Variants in STT3B observed in about 807,000 individuals in gnomAD.
STT3B encodes STT3 oligosaccharyltransferase complex catalytic subunit B.
STT3B carries 29 observed loss-of-function variants against 96.8 expected under a neutral mutation model. The observed-to-expected ratio is 0.30, with a 90% CI of 0.22 to 0.41. The LOEUF (loss-of-function observed/expected upper bound fraction) is 0.41, where lower values mean the gene tolerates loss of function less well. STT3B is among the 10% of genes least tolerant of loss of function. The probability of loss-of-function intolerance (pLI) is 1.00; values close to 1 mark genes in which losing one functional copy is unlikely to be tolerated. For missense variants in STT3B, 640 were observed against 1,022.3 expected (o/e 0.63, Z 5.10); for synonymous variants, 367 against 360.0 (o/e 1.02, Z -0.22).
chr3:31,622,020 T>C (rs1699440096), intron 9 of STT3B, 77 bp from the exon 10 acceptor site: 3 of 1,044,122 alleles, frequency 2.9e-6, no homozygotes, highest in Admixed American at 2.3e-5. Flanking sequence ...AGGTTGGTTT[T>C]ATAGTTTTAA....
intron 5 of STT3B, among the ~76,000 whole-genome samples, chr3:31,607,776 T>G (rs1172373159): frequency 1.3e-5 from 2 of 152,066 alleles, no homozygotes; most frequent in African/African-American, 2.4e-5. Context: ...TTGTTGTTTG[T>G]AGAAATGGTA....
intron 3 of STT3B, among the ~76,000 whole-genome samples, chr3:31,585,578 G>A (rs1043963232): frequency 6.6e-6 from 1 of 151,566 alleles, no homozygotes; most frequent in Non-Finnish European, 1.5e-5. Context: ...TTTGTTTTTT[G>A]TTTTGTTTTG....
intron 1 of STT3B, among the ~76,000 whole-genome samples, chr3:31,571,424 A>G (rs1698132863): frequency 6.6e-6 from 1 of 152,110 alleles, no homozygotes; most frequent in Non-Finnish European, 1.5e-5. Flanking sequence ...AAAATGAATT[A>G]TAGTGCCTAC....
chr3:31,576,874 A>G (rs994789242), intron 2 of STT3B, among the ~76,000 whole-genome samples: 4 of 152,194 alleles, frequency 2.6e-5, no homozygotes, highest in Non-Finnish European at 2.9e-5. Context: ...ATAATTATAT[A>G]TCTAGAATAA....
intron 5 of STT3B, among the ~76,000 whole-genome samples, chr3:31,603,378 A>G (rs1342615445): frequency 1.3e-5 from 2 of 151,952 alleles, no homozygotes; most frequent in Non-Finnish European, 1.5e-5. Flanking sequence ...GAATTGAGCA[A>G]GGGAGGTGTA....
At chr3:31,629,447 AAAT>A (rs1282128983) in intron 14 of STT3B, 36 bp downstream of exon 14, 4 of 1,196,200 alleles carry the variant, frequency 3.3e-6, no homozygotes, top group Non-Finnish European at 2.4e-6. Flanking sequence ...TTTTCATTCA[AAAT>A]AATGTTTAAA....
At position 31,615,383 on chromosome 3, in the gene STT3B, C is replaced by T. The variant is rs558317521; in HGVS notation, c.976+180C>T. Among the ~76,000 whole-genome samples the T allele has an allele frequency of 2.6e-5, 4 of 151,960 alleles. No homozygotes were observed. In the South Asian group the frequency reaches 8.3e-4, roughly 32 times the overall value. ...TATCAGAGATTCTCATTGCAAGGTT[C>T]ATGACCCATTGGAAGTCTGTGGGTA... On this transcript the variant is annotated intron_variant, in intron 6 of 15. Transcript: ENST00000295770.
At chr3:31,574,172 T>C (rs1553604175) in intron 1 of STT3B, among the ~76,000 whole-genome samples, 1 of 152,134 alleles carries the variant, frequency 6.6e-6, no homozygotes, top group Non-Finnish European at 1.5e-5. Context: ...GCCTCTTCCA[T>C]TAAAATATTT....
At chr3:31,597,360 A>G (rs1393495353) in intron 4 of STT3B, among the ~76,000 whole-genome samples, 2 of 150,856 alleles carry the variant, frequency 1.3e-5, no homozygotes, top group East Asian at 2.0e-4. Flanking sequence ...GGGTTTCACC[A>G]TGTTGGCCAG....
At position 31,571,962 on chromosome 3, in the gene STT3B, AAATATTAAATATATC is replaced by A. The variant is rs1258437262; in HGVS notation, c.315-4419_315-4405del. Among the ~76,000 whole-genome samples, 19 of 141,100 alleles carry A rather than the reference AAATATTAAATATATC, an allele frequency of 1.3e-4. No homozygotes were observed. In the Admixed American group the frequency reaches 1.4e-3, roughly 11 times the overall value. The allele number at this position is 141,100 out of a possible 152,430, so 92.6% of individuals were successfully genotyped here. ...TATATATAATATTAAATATATATTA[AAATATTAAATATATC>A]AATATTAAATATATTAATACATAAT... On this transcript the variant is annotated intron_variant, in intron 1 of 15. Transcript: ENST00000295770.
intron 3 of STT3B, among the ~76,000 whole-genome samples, chr3:31,592,331 A>AT (rs1559378283): frequency 6.6e-6 from 1 of 152,208 alleles, no homozygotes; most frequent in East Asian, 1.9e-4. Context: ...TTGTATGTAC[A>AT]TGCCATATTT....
chr3:31,608,934 G>T (rs960592676), intron 5 of STT3B, among the ~76,000 whole-genome samples: 1 of 152,150 alleles, frequency 6.6e-6, no homozygotes, highest in Non-Finnish European at 1.5e-5. Context: ...GGCCAACATG[G>T]TGAAACCCCA....
At chr3:31,615,624 A>T (rs560112086) in intron 6 of STT3B, among the ~76,000 whole-genome samples, 2 of 152,014 alleles carry the variant, frequency 1.3e-5, no homozygotes, top group African/African-American at 2.4e-5. Flanking sequence ...GGATGTTGTC[A>T]CTTTACCAAG....
chr3:31,538,946 T>C (rs1697165403), intron 1 of STT3B, among the ~76,000 whole-genome samples: 1 of 152,196 alleles, frequency 6.6e-6, no homozygotes, highest in African/African-American at 2.4e-5. Flanking sequence ...GTTTTTTGTT[T>C]GTTTTTAAAG....
At chr3:31,626,648 A>G (rs570085186) in intron 13 of STT3B, among the ~76,000 whole-genome samples, 45 of 152,286 alleles carry the variant, frequency 3.0e-4, no homozygotes, top group African/African-American at 1.1e-3. Flanking sequence ...GCAAGTCAAC[A>G]TAATATGCTT....
At chr3:31,541,464 C>CTTTTTTTTTTTTTTTTTTT (rs1318453174) in intron 1 of STT3B, among the ~76,000 whole-genome samples, 2 of 118,680 alleles carry the variant, frequency 1.7e-5, no homozygotes, top group African/African-American at 3.2e-5. Flanking sequence ...CTTTTTTTTT[C>CTTTTTTTTTTTTTTTTTTT]TTTTTTTGTT....
At chr3:31,542,522 T>G (rs1697303924) in intron 1 of STT3B, among the ~76,000 whole-genome samples, 1 of 152,222 alleles carries the variant, frequency 6.6e-6, no homozygotes, top group African/African-American at 2.4e-5. Context: ...CAAACTCTGT[T>G]TAGTCAGCCA....
intron 2 of STT3B, among the ~76,000 whole-genome samples, chr3:31,579,100 G>A (rs1698323034): frequency 6.6e-6 from 1 of 152,018 alleles, no homozygotes. Context: ...AATATTTGAT[G>A]TTCCTCTTTT....
At chr3:31,543,580 A>T (rs1347491965) in intron 1 of STT3B, among the ~76,000 whole-genome samples, 5 of 152,204 alleles carry the variant, frequency 3.3e-5, no homozygotes, top group Admixed American at 1.3e-4. Flanking sequence ...AATACTTTGA[A>T]ATTTTGGATT....
Sources: gnomAD v4.1 joint callset for allele counts (sites outside exome capture counted in the v4.1 genomes callset) on GRCh38, gnomAD v4.1.1 for gene constraint, MANE v1.5 for transcripts, NCBI Gene and HGNC (gene_info 2026-07-23, HGNC 2026-07-21) for gene names.